The following TDRD5 variants were observed in gnomAD, a reference collection of about 807,000 sequenced individuals.
TDRD5 encodes tudor domain containing 5.
In TDRD5, 41 loss-of-function variants were observed where a neutral mutation model predicts 120.6. The observed-to-expected ratio is 0.34, with a 90% CI of 0.26 to 0.44. TDRD5 has a LOEUF of 0.44. Among genes scored for constraint, TDRD5 ranks in the 20% least tolerant of loss-of-function variants. The pLI is 1.00. For synonymous variants in TDRD5, 430 were observed against 433.7 expected (o/e 0.99, Z 0.11); for missense variants, 1,006 against 1,221.2 (o/e 0.82, Z 2.63).
chr1:179,658,262 TAATAA>T (rs1277993889), intron 14 of TDRD5, among the ~76,000 whole-genome samples: 1 of 152,184 alleles, frequency 6.6e-6, no homozygotes, highest in Non-Finnish European at 1.5e-5. Flanking sequence ...GATACTGTCC[TAATAA>T]AATGAGTTGG....
chr1:179,674,938 T>C (rs1253372552), intron 17 of TDRD5, among the ~76,000 whole-genome samples: 1 of 152,196 alleles, frequency 6.6e-6, no homozygotes, highest in Non-Finnish European at 1.5e-5. Flanking sequence ...TCTTCTTTTC[T>C]TAGTTAATCT....
intron 6 of TDRD5, among the ~76,000 whole-genome samples, chr1:179,622,913 G>A (rs1676914378): frequency 6.6e-6 from 1 of 152,092 alleles, no homozygotes; most frequent in South Asian, 2.1e-4. Flanking sequence ...CCCCAAACAA[G>A]TAATACAGAG....
intron 11 of TDRD5, among the ~76,000 whole-genome samples, chr1:179,648,477 G>A (rs935915473): frequency 1.9e-4 from 25 of 134,250 alleles, no homozygotes; most frequent in Non-Finnish European, 3.7e-4. Flanking sequence ...ATAGCATTGG[G>A]AGATATACCT....
chr1:179,618,613 C>T lies in TDRD5; in HGVS notation c.846C>T (p.Phe282=). 6.3e-7 allele frequency: 1 copy of T among 1,588,510 alleles called. No homozygotes were observed. The highest frequency in any genetic ancestry group is 8.5e-7 in the Non-Finnish European group (1 of 1,169,946). ...TEKLNQLENT[F]KSVIAQIGPG... ...TTTTTTCATAGCTGGAGAACACATTCAAATCAGTTATTGCACAGATTGGAC... is the reference window on the plus strand; with the variant it reads ...TTTTTTCATAGCTGGAGAACACATTTAAATCAGTTATTGCACAGATTGGAC... Residue 282 remains phenylalanine, a synonymous_variant, in exon 5 of 18, where the codon TTC becomes TTT. Transcript: ENST00000444136.
intron 4 of TDRD5, among the ~76,000 whole-genome samples, chr1:179,608,290 A>G (rs965646467): frequency 6.6e-6 from 1 of 151,610 alleles, no homozygotes; most frequent in African/African-American, 2.4e-5. Flanking sequence ...CATGAGATTC[A>G]TTGAGCTTCT....
At chr1:179,595,580 G>A (rs781777847) in intron 3 of TDRD5, 48 bp from the exon 4 acceptor site, 2 of 1,482,928 alleles carry the variant, frequency 1.3e-6, no homozygotes, top group Non-Finnish European at 1.8e-6. Flanking sequence ...AAATGAAATA[G>A]AAGTTGCTAG....
chr1:179,601,465 G>A (rs191535563), intron 4 of TDRD5, among the ~76,000 whole-genome samples: 52 of 151,934 alleles, frequency 3.4e-4, no homozygotes, highest in African/African-American at 1.2e-3. Context: ...TCATTCTTAT[G>A]CCTAGGCGTC....
At chr1:179,598,561 A>G (rs72706712) in intron 4 of TDRD5, among the ~76,000 whole-genome samples, 6,789 of 152,266 alleles carry the variant, frequency 0.045, 229 homozygotes, top group Non-Finnish European at 0.067. Context: ...ATAGTTTTCA[A>G]TGCATAAAGC....
At chr1:179,680,373 A>G (rs1371374254) in intron 17 of TDRD5, among the ~76,000 whole-genome samples, 1 of 152,178 alleles carries the variant, frequency 6.6e-6, no homozygotes, top group African/African-American at 2.4e-5. Flanking sequence ...TCAATCAATT[A>G]TTGAGGGATA....
intron 17 of TDRD5, among the ~76,000 whole-genome samples, chr1:179,684,014 T>C (rs1423508903): frequency 6.6e-6 from 1 of 152,186 alleles, no homozygotes; most frequent in African/African-American, 2.4e-5. Context: ...AATTCTTATT[T>C]CTTCTTCATT....
At chr1:179,637,186 AGTAT>A (rs1405110174) in intron 9 of TDRD5, among the ~76,000 whole-genome samples, 1 of 152,210 alleles carries the variant, frequency 6.6e-6, no homozygotes, top group African/African-American at 2.4e-5. Flanking sequence ...ATTTGACAAT[AGTAT>A]GTATGCTTCT....
intron 11 of TDRD5, among the ~76,000 whole-genome samples, chr1:179,644,830 T>A (rs547968716): frequency 2.3e-4 from 35 of 151,930 alleles, no homozygotes; most frequent in Non-Finnish European, 5.0e-4. Flanking sequence ...TTTTTTCTAT[T>A]TTGTTTATTT....
chr1:179,647,200 A>G (rs1215498909), intron 11 of TDRD5, among the ~76,000 whole-genome samples: 2 of 138,464 alleles, frequency 1.4e-5, no homozygotes, highest in East Asian at 2.0e-4. Context: ...ACTTCAAACT[A>G]TACTACAAGG....
At chr1:179,618,499 C>T (rs370421651) in intron 4 of TDRD5, 100 bp from the exon 5 acceptor site, 1 of 716,076 alleles carries the variant, frequency 1.4e-6, no homozygotes, top group East Asian at 2.9e-5. Context: ...TGCAATATGT[C>T]TCCTTTTATA....
chr1:179,627,298 T>G (rs1677183044), intron 6 of TDRD5, among the ~76,000 whole-genome samples: 1 of 152,080 alleles, frequency 6.6e-6, no homozygotes, highest in Admixed American at 6.6e-5. Flanking sequence ...GAGACATTGA[T>G]AAAAGGACTG....
chr1:179,650,200 A>C (rs948290938), intron 11 of TDRD5, among the ~76,000 whole-genome samples: 1 of 152,126 alleles, frequency 6.6e-6, no homozygotes, highest in African/African-American at 2.4e-5. Flanking sequence ...CAGGAGCTCA[A>C]GACCAGCCTG....
chr1:179,640,955 G>A (rs1254190424), intron 11 of TDRD5, among the ~76,000 whole-genome samples: 1 of 152,176 alleles, frequency 6.6e-6, no homozygotes, highest in Admixed American at 6.5e-5. Flanking sequence ...ATTAAAGGAT[G>A]TAAATAGGAA....
intron 3 of TDRD5, among the ~76,000 whole-genome samples, chr1:179,594,257 T>C (rs147751656): frequency 6.6e-5 from 10 of 152,354 alleles, no homozygotes; most frequent in Non-Finnish European, 1.2e-4. Flanking sequence ...ACTTAAATTA[T>C]TAGCCTTAAC....
chr1:179,674,929 CTT>C (rs1680043373), intron 17 of TDRD5, among the ~76,000 whole-genome samples: 3 of 152,134 alleles, frequency 2.0e-5, no homozygotes. Flanking sequence ...GATCCTCTCT[CTT>C]CTTTTCTTAG....
Sources: allele counts gnomAD v4.1 joint callset (sites outside exome capture counted in the v4.1 genomes callset), GRCh38; gene constraint gnomAD v4.1.1; transcripts MANE v1.5; gene names NCBI Gene and HGNC (gene_info 2026-07-23, HGNC 2026-07-21).